Variants in REEP1 observed in about 807,000 individuals in gnomAD.
REEP1 encodes the protein receptor accessory protein 1, also known as receptor expression-enhancing protein 1.
REEP1 carries 22 observed loss-of-function variants against 40.3 expected under a neutral mutation model. The observed-to-expected ratio is 0.55, with a 90% CI of 0.39 to 0.78. The LOEUF (loss-of-function observed/expected upper bound fraction) is 0.78, where lower values mean the gene tolerates loss of function less well. Ranked by LOEUF, REEP1 falls within the 30% of genes least tolerant of loss-of-function variation. REEP1 has a pLI of 0.00. For missense variants in REEP1, 280 were observed against 361.1 expected, an observed-to-expected ratio of 0.78 and a Z score of 1.82; for synonymous variants, 116 against 139.2, an observed-to-expected ratio of 0.83 and a Z score of 1.17.
intron 2 of REEP1, among the ~76,000 whole-genome samples, chr2:86,278,467 G>A (rs1485198449): frequency 1.3e-5 from 2 of 152,214 alleles, no homozygotes; most frequent in East Asian, 3.8e-4. Context: ...GATTTGACAA[G>A]TGAGTGAGTT....
intron 2 of REEP1, among the ~76,000 whole-genome samples, chr2:86,267,469 G>C (rs184474986): frequency 1.1e-3 from 168 of 152,216 alleles, no homozygotes; most frequent in African/African-American, 3.9e-3. Context: ...CAGTCTCAGG[G>C]AAGTTCTTTA....
chr2:86,218,422 G>T (rs1234296305), intron 8 of REEP1, among the ~76,000 whole-genome samples: 1 of 152,218 alleles, frequency 6.6e-6, no homozygotes, highest in East Asian at 1.9e-4. Flanking sequence ...GAATGAGCCA[G>T]AAAACAAGAC....
chr2:86,270,614 A>G (rs1312535123), intron 2 of REEP1, among the ~76,000 whole-genome samples: 1 of 152,262 alleles, frequency 6.6e-6, no homozygotes, highest in African/African-American at 2.4e-5. Flanking sequence ...GAAACAAATG[A>G]TATCCTAGAA....
chr2:86,320,178 C>T (rs929745031), intron 1 of REEP1, among the ~76,000 whole-genome samples: 2 of 152,172 alleles, frequency 1.3e-5, no homozygotes, highest in East Asian at 1.9e-4. Context: ...AGTAAAAACA[C>T]CCATTCTCTA....
chr2:86,273,767 C>A (rs915403606), intron 2 of REEP1, among the ~76,000 whole-genome samples: 1 of 152,160 alleles, frequency 6.6e-6, no homozygotes, highest in Admixed American at 6.5e-5. Context: ...TGGGTAAATA[C>A]CCTCTCCTTG....
chr2:86,333,243 T>C (rs1312097235), intron 1 of REEP1, among the ~76,000 whole-genome samples: 3 of 152,136 alleles, frequency 2.0e-5, no homozygotes, highest in African/African-American at 7.2e-5. Flanking sequence ...TTTCCATTTG[T>C]TTTGCAACAG....
intron 5 of REEP1, among the ~76,000 whole-genome samples, chr2:86,237,111 A>G (rs1332246971): frequency 6.6e-6 from 1 of 152,178 alleles, no homozygotes; most frequent in Non-Finnish European, 1.5e-5. Flanking sequence ...CCCTGACATC[A>G]TTGTCAACGC....
intron 1 of REEP1, among the ~76,000 whole-genome samples, chr2:86,329,282 T>C (rs7595785): frequency 0.36 from 55,072 of 152,096 alleles, 11,924 homozygotes; most frequent in East Asian, 0.58. Flanking sequence ...GAAAAAGCAA[T>C]ATTTGGGCAG....
chr2:86,237,505 CTT>C lies in REEP1; in HGVS notation c.418-4705_418-4704del, dbSNP rs149655698. On this transcript the variant is annotated intron_variant, in intron 5 of 8. Transcript: ENST00000538924. The stretch of plus-strand genomic sequence containing the variant: ...GCGTTCCTTTTTATTTTCTTTCTCT[CTT>C]TTTGTTTTTTCTGTTGTTGTTGTTG... 4.2e-3 allele frequency among the ~76,000 whole-genome samples: 638 copies of C among 152,250 alleles called. 10 individuals are homozygous for C. The highest frequency in any genetic ancestry group is 0.015 in the African/African-American group (618 of 41,550).
chr2:86,316,825 C>T (rs1680037332), intron 1 of REEP1, among the ~76,000 whole-genome samples: 1 of 152,158 alleles, frequency 6.6e-6, no homozygotes, highest in Non-Finnish European at 1.5e-5. Flanking sequence ...TGCCATCGCA[C>T]TCCAGCCTGG....
At chr2:86,246,138 G>A (rs1675942611) in intron 5 of REEP1, among the ~76,000 whole-genome samples, 1 of 152,140 alleles carries the variant, frequency 6.6e-6, no homozygotes, top group Non-Finnish European at 1.5e-5. Context: ...GACAGGGCAG[G>A]GTTAGAGGAA....
At chr2:86,309,218 C>T (rs1377157502) in intron 1 of REEP1, among the ~76,000 whole-genome samples, 1 of 152,234 alleles carries the variant, frequency 6.6e-6, no homozygotes, top group Non-Finnish European at 1.5e-5. Context: ...CCTCGGCCTC[C>T]CGTCAGCACC....
At chr2:86,238,329 G>C (rs1303620714) in intron 5 of REEP1, among the ~76,000 whole-genome samples, 1 of 152,150 alleles carries the variant, frequency 6.6e-6, no homozygotes, top group Non-Finnish European at 1.5e-5. Flanking sequence ...ATGAAATATG[G>C]TTGCACTTCT....
intron 1 of REEP1, among the ~76,000 whole-genome samples, chr2:86,334,968 C>G (rs1187149957): frequency 6.6e-6 from 1 of 152,234 alleles, no homozygotes; most frequent in African/African-American, 2.4e-5. Context: ...GAACTGGGAT[C>G]TTCTGGCAAG....
chr2:86,336,726 G>C (rs1681054404), intron 1 of REEP1: 1 of 152,356 alleles, frequency 6.6e-6, no homozygotes, highest in Non-Finnish European at 1.5e-5. Flanking sequence ...CCTCACCCTA[G>C]ATGACTCTGC....
chr2:86,274,286 G>C (rs1444603150), intron 2 of REEP1, among the ~76,000 whole-genome samples: 1 of 152,200 alleles, frequency 6.6e-6, no homozygotes, highest in African/African-American at 2.4e-5. Context: ...ATGTGGCTCA[G>C]GGCAGCCAAG....
chr2:86,287,631 C>T (rs984612138), intron 1 of REEP1, among the ~76,000 whole-genome samples: 12 of 152,150 alleles, frequency 7.9e-5, no homozygotes, highest in African/African-American at 1.7e-4. Flanking sequence ...AGACTGTTTT[C>T]GCTGTCTAAC....
At chr2:86,290,962 T>C (rs1400125900) in intron 1 of REEP1, among the ~76,000 whole-genome samples, 1 of 152,216 alleles carries the variant, frequency 6.6e-6, no homozygotes, top group Non-Finnish European at 1.5e-5. Flanking sequence ...TTTGGTTCCC[T>C]AAAGACTGTA....
chr2:86,256,198 A>G (rs982911821), intron 3 of REEP1, among the ~76,000 whole-genome samples: 1 of 151,984 alleles, frequency 6.6e-6, no homozygotes, highest in African/African-American at 2.4e-5. Context: ...AAATACAAAA[A>G]TTAGCTGGGC....
Sources: allele counts gnomAD v4.1 joint callset (sites outside exome capture counted in the v4.1 genomes callset), GRCh38; gene constraint gnomAD v4.1.1; transcripts MANE v1.5; gene names NCBI Gene and HGNC (gene_info 2026-07-23, HGNC 2026-07-21).